CCDC92B: variants seen among roughly 807,000 people sequenced by gnomAD.
CCDC92B encodes the protein coiled-coil domain-containing 92B.
A neutral mutation model predicts 5.6 loss-of-function variants in CCDC92B; 2 were observed. The observed-to-expected ratio is 0.36, with a 90% CI of 0.15 to 1.12. The LOEUF is 1.12. Ranked by LOEUF, CCDC92B falls within the 50% of genes most tolerant of loss-of-function variation. The probability of loss-of-function intolerance (pLI) is 0.40; values close to 1 mark genes in which losing one functional copy is unlikely to be tolerated. For synonymous variants in CCDC92B, 115 were observed against 122.3 expected (o/e 0.94, Z 0.39); for missense variants, 271 against 262.2 (o/e 1.03, Z -0.23).
intron 3 of CCDC92B, among the ~76,000 whole-genome samples, chr17:2,728,516 T>C (rs2070760002): frequency 6.6e-6 from 1 of 150,426 alleles, no homozygotes; most frequent in South Asian, 2.1e-4. Flanking sequence ...TGAGGCAGAA[T>C]GGCGTGAACC....
chr17:2,745,123 A>G (rs1347901569), intron 1 of CCDC92B, among the ~76,000 whole-genome samples: 1 of 151,720 alleles, frequency 6.6e-6, no homozygotes, highest in African/African-American at 2.4e-5. Flanking sequence ...ACACTGGTGC[A>G]TAACTCAAGA....
chr17:2,748,243 C>T, intron 1 of CCDC92B: 1 of 757,268 alleles, frequency 1.3e-6, no homozygotes, highest in Non-Finnish European at 2.1e-6. Context: ...ACTATATCCA[C>T]CCTATCTCTG....
chr17:2,724,695 C>T lies in CCDC92B; in HGVS notation c.484G>A (p.Ala162Thr). 3.1e-6 allele frequency: 3 copies of T among 981,220 alleles called. No homozygotes were observed. Among genetic ancestry groups the T allele is most frequent in the Non-Finnish European group, 2.4e-6 (2 of 828,196 alleles). The allele number at this position is 981,220 out of a possible 1,614,324, so 60.8% of individuals were successfully genotyped here. A position where few individuals can be genotyped will look rare whatever the true frequency, so the allele number is the denominator to read the frequency against. The change falls in exon 4 of 4, where the codon GCC becomes ACC. Residue 162 changes from alanine to threonine, a missense_variant. By Grantham distance (58) the Ala-to-Thr change is moderately conservative. Transcript: ENST00000614400. The surrounding 1 kb of genome is among the most constrained non-coding windows in gnomAD (Gnocchi z 5.0). The part of the protein sequence containing the change: ...QAPRPGPGAT[A>T]EPRPRRRALR... ...GCGCGGCGGCGTGGCCTGGGCTCGGCGGTGGCGCCGGGGCCCGGGCGCGGG... is the reference window on the plus strand; with the variant it reads ...GCGCGGCGGCGTGGCCTGGGCTCGGTGGTGGCGCCGGGGCCCGGGCGCGGG...
At chr17:2,745,426 G>C (rs941075020) in intron 1 of CCDC92B, among the ~76,000 whole-genome samples, 4 of 152,210 alleles carry the variant, frequency 2.6e-5, no homozygotes, top group East Asian at 1.9e-4. Context: ...GTGAGAGACT[G>C]AGCCAACCAG....
chr17:2,726,407 C>G (rs1567610541), intron 3 of CCDC92B, among the ~76,000 whole-genome samples: 1 of 151,466 alleles, frequency 6.6e-6, no homozygotes, highest in Non-Finnish European at 1.5e-5. Context: ...TGGTTTCGAT[C>G]TCCTGACCTC....
chr17:2,731,575 C>G (rs1396322498), intron 2 of CCDC92B, among the ~76,000 whole-genome samples: 1 of 152,236 alleles, frequency 6.6e-6, no homozygotes, highest in African/African-American at 2.4e-5. Context: ...TCTGCCCCTC[C>G]TCCTCACTGC....
intron 1 of CCDC92B, among the ~76,000 whole-genome samples, chr17:2,748,803 G>A (rs2071019070): frequency 6.6e-6 from 1 of 152,222 alleles, no homozygotes; most frequent in African/African-American, 2.4e-5. Context: ...CAAATGTCTA[G>A]GACTCTGTCT....
chr17:2,745,596 G>T (rs1269450956), intron 1 of CCDC92B, among the ~76,000 whole-genome samples: 1 of 152,166 alleles, frequency 6.6e-6, no homozygotes, highest in Non-Finnish European at 1.5e-5. Context: ...ATAGAGTGGG[G>T]AAGGGAACTA....
chr17:2,742,095 G>A (rs1330656007), intron 1 of CCDC92B, among the ~76,000 whole-genome samples: 2 of 151,270 alleles, frequency 1.3e-5, no homozygotes, highest in Non-Finnish European at 2.9e-5. Context: ...TTTTTGAGAC[G>A]GGATCTCACT....
At position 2,725,139 on chromosome 17, in the gene CCDC92B, G is replaced by C. The variant is rs776763577; in HGVS notation, c.179-139C>G. On this transcript the variant is annotated intron_variant, in intron 3 of 3. Transcript: ENST00000614400. ...TGCAATCCCAGCACTTTGGGAGGCC[G>C]AGATGGGCAGATGGACTTGAGGTCA... 5.1e-6 allele frequency: 5 copies of C among 981,052 alleles called. No individual in the cohort carries two copies. The Admixed American group carries it at 3.1e-4, about 60-fold the overall frequency. 60.8% of individuals were successfully genotyped at this position (981,052 alleles called of 1,614,324 possible).
chr17:2,724,889 A>G lies in CCDC92B; in HGVS notation c.290T>C (p.Leu97Pro). The change falls in exon 4 of 4, where the codon CTG (leucine) becomes CCG (proline). Residue 97 changes from leucine (L) to proline (P), a missense_variant. Transcript: ENST00000614400. This position sits in a 1 kb window ranked among gnomAD's most constrained non-coding sequence, Gnocchi z 5.0. ...LRREVAQREALVSALRCSLRT... is the reference protein window; with the variant it reads ...LRREVAQREAPVSALRCSLRT... Reference sequence around the variant, plus strand: ...CAGGCTGCAGCGCAGCGCGGACACCAGCGCCTCGCGCTGCGCCACCTCCCG... The same window carrying G: ...CAGGCTGCAGCGCAGCGCGGACACCGGCGCCTCGCGCTGCGCCACCTCCCG... 3 of 985,078 alleles carry G rather than the reference A, an allele frequency of 3.0e-6. No homozygotes were observed. The highest frequency in any genetic ancestry group is 2.4e-6 in the Non-Finnish European group (2 of 829,794). 61.0% of individuals were successfully genotyped at this position (985,078 alleles called of 1,614,324 possible). A position where few individuals can be genotyped will look rare whatever the true frequency, so the allele number is the denominator to read the frequency against.
chr17:2,739,136 G>C (rs1015800102), intron 1 of CCDC92B, among the ~76,000 whole-genome samples: 5 of 151,658 alleles, frequency 3.3e-5, no homozygotes, highest in African/African-American at 1.2e-4. Flanking sequence ...GGGAGGCCAA[G>C]GTGGGCGGAT....
intron 1 of CCDC92B, among the ~76,000 whole-genome samples, chr17:2,736,883 AAAATAAAT>A (rs71377535): frequency 0.019 from 2,768 of 145,968 alleles, 115 homozygotes; most frequent in African/African-American, 0.065. Flanking sequence ...TCTGTCTCAA[AAAATAAAT>A]AAATAAATAA....
intron 3 of CCDC92B, among the ~76,000 whole-genome samples, chr17:2,726,763 G>A (rs1389427320): frequency 2.6e-5 from 4 of 151,740 alleles, no homozygotes; most frequent in Admixed American, 6.6e-5. Context: ...ACAGGCACCC[G>A]CTACCACACC....
At chr17:2,741,824 C>A (rs367636121) in intron 1 of CCDC92B, among the ~76,000 whole-genome samples, 1 of 150,938 alleles carries the variant, frequency 6.6e-6, no homozygotes, top group South Asian at 2.1e-4. Context: ...AATCTCTTGA[C>A]CTCGTGATCC....
intron 1 of CCDC92B, among the ~76,000 whole-genome samples, chr17:2,744,643 TG>T (rs1199743700): frequency 6.6e-6 from 1 of 152,112 alleles, no homozygotes; most frequent in African/African-American, 2.4e-5. Context: ...GGTGAAGTTG[TG>T]GGGATGGGGT....
chr17:2,739,377 A>C (rs1478890311), intron 1 of CCDC92B, among the ~76,000 whole-genome samples: 1 of 148,946 alleles, frequency 6.7e-6, no homozygotes, highest in Non-Finnish European at 1.5e-5. Context: ...AAATAAATAA[A>C]TAAAATAAAA....
intron 1 of CCDC92B, 21 bp downstream of exon 1, chr17:2,749,390 C>T (rs2071028094): frequency 6.6e-6 from 1 of 151,972 alleles, no homozygotes; most frequent in South Asian, 2.1e-4. Flanking sequence ...ACCCCCCACG[C>T]CCACCGACCG....
chr17:2,730,072 G>A (rs1356800891), intron 3 of CCDC92B, among the ~76,000 whole-genome samples: 1 of 152,164 alleles, frequency 6.6e-6, no homozygotes, highest in Non-Finnish European at 1.5e-5. Context: ...AGCAGGCTAA[G>A]GGGAAGTAAA....
Sources: gnomAD v4.1 joint callset for allele counts (sites outside exome capture counted in the v4.1 genomes callset) on GRCh38, gnomAD v4.1.1 for gene constraint, Gnocchi (gnomAD v3.1) non-coding constraint, MANE v1.5 for transcripts, NCBI Gene and HGNC (gene_info 2026-07-23, HGNC 2026-07-21) for gene names.